NGEF: variants seen among roughly 807,000 people sequenced by gnomAD.
NGEF encodes neuronal guanine nucleotide exchange factor.
In NGEF, 31 loss-of-function variants were observed where a neutral mutation model predicts 80.9. The observed-to-expected ratio is 0.38, with a 90% CI of 0.29 to 0.52. The LOEUF (loss-of-function observed/expected upper bound fraction) is 0.52. NGEF is among the 20% of genes least tolerant of loss of function. The probability of loss-of-function intolerance (pLI) is 0.84; values close to 1 mark genes in which losing one functional copy is unlikely to be tolerated. For missense variants in NGEF, 709 were observed against 926.2 expected (o/e 0.77, Z 3.04); for synonymous variants, 371 against 370.2 (o/e 1.00, Z -0.03).
chr2:232,886,867 T>C (rs1272897295), intron 9 of NGEF, among the ~76,000 whole-genome samples: 1 of 152,222 alleles, frequency 6.6e-6, no homozygotes, highest in African/African-American at 2.4e-5. Flanking sequence ...GAGGTGGGCA[T>C]GGGCCCCTAG....
chr2:232,901,151 T>G (rs1254737890), intron 5 of NGEF, among the ~76,000 whole-genome samples: 1 of 152,100 alleles, frequency 6.6e-6, no homozygotes, highest in Non-Finnish European at 1.5e-5. Context: ...GACGGGCTTT[T>G]ACGCAGCCCG....
At chr2:232,959,879 A>G (rs1242520910) in intron 3 of NGEF, among the ~76,000 whole-genome samples, 1 of 152,114 alleles carries the variant, frequency 6.6e-6, no homozygotes, top group Non-Finnish European at 1.5e-5. Flanking sequence ...GCCCTGGGTA[A>G]CAATGGCCAT....
At chr2:232,939,865 T>C (rs1040357524) in intron 3 of NGEF, among the ~76,000 whole-genome samples, 2 of 152,070 alleles carry the variant, frequency 1.3e-5, no homozygotes, top group Admixed American at 6.6e-5. Context: ...GGCGTGGTGC[T>C]GCACGCCTGT....
At chr2:232,891,692 T>G (rs1691889625) in intron 7 of NGEF, among the ~76,000 whole-genome samples, 1 of 152,260 alleles carries the variant, frequency 6.6e-6, no homozygotes, top group South Asian at 2.1e-4. Flanking sequence ...ATGCCTGGCC[T>G]TGAAGACTTG....
chr2:232,929,505 CG>C (rs1052553020), intron 3 of NGEF, among the ~76,000 whole-genome samples: 1 of 152,154 alleles, frequency 6.6e-6, no homozygotes, highest in African/African-American at 2.4e-5. Context: ...GGTGCCAGAA[CG>C]GGCAGGTCTG....
intron 5 of NGEF, among the ~76,000 whole-genome samples, chr2:232,899,796 T>TCC (rs1692230528): frequency 8.4e-6 from 1 of 119,708 alleles, no homozygotes; most frequent in African/African-American, 3.5e-5. Flanking sequence ...TCACATTCAC[T>TCC]CACACACACG....
intron 5 of NGEF, among the ~76,000 whole-genome samples, chr2:232,912,659 A>C (rs1692713174): frequency 6.6e-6 from 1 of 152,182 alleles, no homozygotes; most frequent in African/African-American, 2.4e-5. Context: ...ATATTTTGAA[A>C]GATTTTATGT....
intron 5 of NGEF, among the ~76,000 whole-genome samples, chr2:232,906,592 T>G (rs1692554989): frequency 1.9e-5 from 1 of 51,410 alleles, no homozygotes; most frequent in African/African-American, 6.7e-5. Flanking sequence ...CGGCCACCCC[T>G]ACTGGGAAGT....
Position 232,902,051 on chromosome 2 carries a change from G to C in NGEF, c.829-7135C>G, listed in dbSNP as rs569655405. On this transcript the variant is annotated intron_variant, in intron 5 of 14. Transcript: ENST00000264051. ...CCTCTAGCAGCTGGGGCCAGAGCCA[G>C]AGCCAGGGGCGCAGGGCGCTCCCAA... Among the ~76,000 whole-genome samples, 16 of 152,326 alleles carry C rather than the reference G, an allele frequency of 1.1e-4. 1 individual carries two copies. Among genetic ancestry groups the C allele is most frequent in the African/African-American group, 3.8e-4 (16 of 41,568 alleles).
At chr2:232,983,327 G>C (rs1694475104) in intron 1 of NGEF, among the ~76,000 whole-genome samples, 1 of 152,112 alleles carries the variant, frequency 6.6e-6, no homozygotes, top group African/African-American at 2.4e-5. Context: ...TCGGGAGGTA[G>C]AGAGGAGGGT....
At chr2:232,901,856 C>A (rs1340988945) in intron 5 of NGEF, among the ~76,000 whole-genome samples, 1 of 152,248 alleles carries the variant, frequency 6.6e-6, no homozygotes, top group East Asian at 1.9e-4. Flanking sequence ...GGGGACGTCG[C>A]CGTGACACCT....
At chr2:232,975,568 C>T (rs1339780669) in intron 1 of NGEF, among the ~76,000 whole-genome samples, 2 of 152,182 alleles carry the variant, frequency 1.3e-5, no homozygotes, top group East Asian at 1.9e-4. Flanking sequence ...GAATGGTTAC[C>T]TCCCTCTGGG....
chr2:232,965,443 G>A (rs1694037437), intron 3 of NGEF, among the ~76,000 whole-genome samples: 1 of 152,136 alleles, frequency 6.6e-6, no homozygotes, highest in African/African-American at 2.4e-5. Flanking sequence ...CAGAGATGTG[G>A]GCAAGAGCAG....
intron 3 of NGEF, among the ~76,000 whole-genome samples, chr2:232,928,905 G>T (rs1358049324): frequency 6.6e-6 from 1 of 152,258 alleles, no homozygotes; most frequent in African/African-American, 2.4e-5. Flanking sequence ...AGAGCAGAAA[G>T]GACAGTCGGA....
chr2:232,958,475 C>T (rs55896969), intron 3 of NGEF, among the ~76,000 whole-genome samples: 63,897 of 152,050 alleles, frequency 0.42, 15,646 homozygotes, highest in Non-Finnish European at 0.53. Context: ...CATGCATTTA[C>T]TCATTCATCA....
chr2:232,984,189 ATCC>A (rs953573904), intron 1 of NGEF, among the ~76,000 whole-genome samples: 8 of 152,066 alleles, frequency 5.3e-5, no homozygotes, highest in Non-Finnish European at 1.0e-4. Context: ...GACTCGAGCA[ATCC>A]TCCTTCCTCA....
At chr2:233,008,787 T>TACC (rs1372561012) in intron 1 of NGEF, among the ~76,000 whole-genome samples, 2 of 152,160 alleles carry the variant, frequency 1.3e-5, no homozygotes, top group African/African-American at 4.8e-5. Context: ...TAAAAAACTT[T>TACC]ACCATCTGCA....
At chr2:232,922,284 C>T (rs1413164233) in intron 4 of NGEF, among the ~76,000 whole-genome samples, 2 of 152,108 alleles carry the variant, frequency 1.3e-5, no homozygotes, top group African/African-American at 4.8e-5. Context: ...CTTCAAAATC[C>T]TGAATGAGGC....
intron 1 of NGEF, among the ~76,000 whole-genome samples, chr2:233,008,293 T>C (rs1695128855): frequency 6.6e-6 from 1 of 152,180 alleles, no homozygotes; most frequent in Non-Finnish European, 1.5e-5. Flanking sequence ...TCTGAAATGA[T>C]GGTGGAGAGC....
Sources: allele counts gnomAD v4.1 joint callset (sites outside exome capture counted in the v4.1 genomes callset), GRCh38; gene constraint gnomAD v4.1.1; transcripts MANE v1.5; gene names NCBI Gene and HGNC (gene_info 2026-07-23, HGNC 2026-07-21).